The following ZNF592 variants were observed in gnomAD, a reference collection of about 807,000 sequenced individuals.
The protein encoded by ZNF592 is spinocerebellar ataxia, autosomal recessive 5.
ZNF592 carries 11 observed loss-of-function variants against 80.3 expected under a neutral mutation model. The observed-to-expected ratio is 0.14, with a 90% CI of 0.09 to 0.23. ZNF592 has a LOEUF of 0.23. Among genes scored for constraint, ZNF592 ranks in the 10% least tolerant of loss-of-function variants. The probability of loss-of-function intolerance (pLI) is 1.00; values close to 1 mark genes in which losing one functional copy is unlikely to be tolerated. For missense variants in ZNF592, 1,420 were observed against 1,633.9 expected, an observed-to-expected ratio of 0.87 and a Z score of 2.26; for synonymous variants, 646 against 640.3, an observed-to-expected ratio of 1.01 and a Z score of -0.13.
chr15:84,757,339 CTTTTT>C (rs34466288), intron 1 of ZNF592, among the ~76,000 whole-genome samples: 1 of 120,762 alleles, frequency 8.3e-6, no homozygotes. Flanking sequence ...TCTTTCTTTC[CTTTTT>C]TTTTTTTTTT....
intron 5 of ZNF592, among the ~76,000 whole-genome samples, chr15:84,795,051 A>G (rs1005305322): frequency 6.0e-5 from 9 of 150,878 alleles, no homozygotes; most frequent in African/African-American, 1.7e-4. Flanking sequence ...TTGATAATGT[A>G]AAAAGCCTAT....
Position 84,784,458 on chromosome 15 carries a change from G to T in ZNF592, c.1783G>T (p.Ala595Ser), listed in dbSNP as rs758076215. ...SGYCCLECGDAFALEKSLSQH... is the reference protein window; with the variant it reads ...SGYCCLECGDSFALEKSLSQH... ...GTACTGCTGCCTGGAGTGTGGAGAC[G>T]CATTTGCCTTAGAGAAGAGCCTGAG... Residue 595 changes from alanine (A) to serine (S), a missense_variant, in exon 4 of 11, where the codon GCA (alanine) becomes TCA (serine). This residue lies in a region of ZNF592 where 524 missense variants were observed against 628.3 expected (regional missense o/e 0.83). Transcript: ENST00000560079. This position sits in a 1 kb window ranked among gnomAD's most constrained non-coding sequence, Gnocchi z 5.8. 3.7e-6 allele frequency: 6 copies of T among 1,614,094 alleles called. No individual in the cohort carries two copies. The highest frequency in any genetic ancestry group is 5.1e-6 in the Non-Finnish European group (6 of 1,180,054).
rs1425538264 is a variant in ZNF592, at chr15:84,788,875, A to G, written c.2221-1830A>G. On this transcript the variant is annotated intron_variant, in intron 4 of 10. Coordinates refer to ENST00000560079, the MANE Select transcript of ZNF592 (RefSeq NM_014630.3). ...TTTGTGACTGGCTTTTCCATTTAGCATGTCCTCAAGATTCATTTATGTTGT... is the reference window on the plus strand; with the variant it reads ...TTTGTGACTGGCTTTTCCATTTAGCGTGTCCTCAAGATTCATTTATGTTGT... 2.0e-5 allele frequency among the ~76,000 whole-genome samples: 3 copies of G among 152,054 alleles called. No homozygotes were observed. The East Asian group carries it at 5.8e-4, about 29-fold the overall frequency.
In ZNF592 at chr15:84,798,917, T is replaced by G. The variant is rs957417049; in HGVS notation, c.3024+42T>G. 4 of 1,598,570 alleles carry G rather than the reference T, an allele frequency of 2.5e-6. No homozygotes were observed. The African/African-American group carries it at 5.3e-5, about 21-fold the overall frequency. On this transcript the variant is annotated intron_variant, in intron 8 of 10. Transcript: ENST00000560079. This position sits in a 1 kb window ranked among gnomAD's most constrained non-coding sequence, Gnocchi z 4.5. ...AGTCATAATGCAGAGCCCAGTCCTC[T>G]GGACTTCCTTCTGTGAAGCCAGAAC...
At position 84,755,102 on chromosome 15, in the gene ZNF592, C is replaced by T. The variant is rs183603057; in HGVS notation, c.-259+6438C>T. Among the ~76,000 whole-genome samples, 5 of 145,136 alleles carry T rather than the reference C, an allele frequency of 3.4e-5. No individual in the cohort carries two copies. The East Asian group carries it at 6.2e-4, about 18-fold the overall frequency. On this transcript the variant is annotated intron_variant, in intron 1 of 10. Coordinates refer to ENST00000560079, the MANE Select transcript of ZNF592 (RefSeq NM_014630.3). ...CCTCCGGAGTAGCTGGGACTACAGG[C>T]GTCCATCACCACACCCAGCTAATTT...
At chr15:84,800,049 G>A in intron 10 of ZNF592, 72 bp downstream of exon 10, 2 of 1,610,010 alleles carry the variant, frequency 1.2e-6, no homozygotes, top group South Asian at 1.1e-5. Flanking sequence ...CATTAGGAAG[G>A]CTACTGTTGT....
At chr15:84,782,310 C>T (rs1190669475) in intron 3 of ZNF592, among the ~76,000 whole-genome samples, 1 of 152,144 alleles carries the variant, frequency 6.6e-6, no homozygotes, top group Non-Finnish European at 1.5e-5. Flanking sequence ...TTTGCTAGTG[C>T]ACATGATCGT....
In ZNF592 at chr15:84,798,664, C is replaced by A; in HGVS notation, c.2813C>A (p.Pro938His). 6.2e-7 allele frequency: 1 copy of A among 1,613,904 alleles called. No homozygotes were observed. ...TCAGCGGACACATCCTCAAGCCGCC[C>A]TGGCTCTCGAGTTCCCACTGAGCCA... ...QSSADTSSSR[P>H]GSRVPTEPPA... The change falls in exon 8 of 11, where the codon CCT (proline) becomes CAT (histidine). Residue 938 changes from proline to histidine, a missense_variant. Around this residue, in one of 7 missense-constraint regions of ZNF592, gnomAD observed 331 missense variants for 347.0 expected, o/e 0.95. Transcript: ENST00000560079. This position sits in a 1 kb window ranked among gnomAD's most constrained non-coding sequence, Gnocchi z 4.5.
chr15:84,784,037 G>A lies in ZNF592; in HGVS notation c.1362G>A (p.Lys454=). 1 of 1,612,582 alleles carries A rather than the reference G, an allele frequency of 6.2e-7. No homozygotes were observed. The highest frequency in any genetic ancestry group is 1.3e-5 in the African/African-American group (1 of 75,006). ...GARKGDESMT[K]ASDSSSPSCS... ...GGAAAGGGGACGAGAGCATGACAAA[G>A]GCCAGTGACTCGTCATCTCCCAGCT... The change falls in exon 4 of 11, where the codon AAG becomes AAA. Residue 454 remains lysine, a synonymous_variant. Transcript: ENST00000560079. This position sits in a 1 kb window ranked among gnomAD's most constrained non-coding sequence, Gnocchi z 5.8.
At chr15:84,769,098 G>A (rs1258395261) in intron 2 of ZNF592, among the ~76,000 whole-genome samples, 8 of 152,048 alleles carry the variant, frequency 5.3e-5, no homozygotes, top group African/African-American at 1.9e-4. Context: ...CCACCACCAT[G>A]CCTGGCTAAT....
intron 2 of ZNF592, among the ~76,000 whole-genome samples, chr15:84,771,447 A>C (rs1899698209): frequency 6.6e-6 from 1 of 152,136 alleles, no homozygotes; most frequent in Admixed American, 6.5e-5. Flanking sequence ...GCAGAGAGGC[A>C]CGAGAAAGTG....
In ZNF592 at chr15:84,779,783, A is replaced by T. The variant is rs189227343; in HGVS notation, c.-20+1471A>T. Among the ~76,000 whole-genome samples, 21 of 152,232 alleles carry T rather than the reference A, an allele frequency of 1.4e-4. 1 individual carries two copies. The highest frequency in any genetic ancestry group is 1.4e-3 in the Admixed American group (21 of 15,286). ...CTCAGTCAATCCCTGAGATTTCTCT[A>T]TGAGGAGAGCTTTACTTCTGATCTA... On this transcript the variant is annotated intron_variant, in intron 3 of 10. Coordinates refer to ENST00000560079, the MANE Select transcript of ZNF592 (RefSeq NM_014630.3).
chr15:84,790,208 A>C (rs1452110538), intron 4 of ZNF592, among the ~76,000 whole-genome samples: 6 of 151,762 alleles, frequency 4.0e-5, no homozygotes, highest in Non-Finnish European at 8.8e-5. Context: ...TCTGAGTACC[A>C]ATCAGGGTGG....
intron 1 of ZNF592, among the ~76,000 whole-genome samples, chr15:84,760,005 A>C (rs951917567): frequency 6.9e-6 from 1 of 144,092 alleles, no homozygotes; most frequent in Non-Finnish European, 1.5e-5. Flanking sequence ...TTAGTTTAGA[A>C]AATTTGGGAA....
At chr15:84,779,687 A>G (rs1420204700) in intron 3 of ZNF592, among the ~76,000 whole-genome samples, 2 of 151,996 alleles carry the variant, frequency 1.3e-5, no homozygotes, top group East Asian at 1.9e-4. Flanking sequence ...TCTGCTGCTA[A>G]TATTGAGCTC....
chr15:84,768,230 CTTTTTTTTTTTTTT>C (rs995969490), intron 2 of ZNF592, among the ~76,000 whole-genome samples: 4 of 122,344 alleles, frequency 3.3e-5, no homozygotes, highest in Admixed American at 1.7e-4. Flanking sequence ...TTCTTTCTTT[CTTTTTTTTTTTTTT>C]TTTTTTGAGA....
rs774020429 is a variant in ZNF592 at position 84,784,537 on chromosome 15, C to T, written c.1862C>T (p.Ser621Phe). The change falls in exon 4 of 11, where the codon TCC becomes TTC. Residue 621 changes from serine to phenylalanine, a missense_variant. Physicochemically the swap from Ser to Phe is radical, Grantham distance 155 (BLOSUM62 -2). Transcript: ENST00000560079. This position sits in a 1 kb window ranked among gnomAD's most constrained non-coding sequence, Gnocchi z 5.8. The part of the protein sequence containing the change: ...VHIEVLCTLC[S>F]KTLLFFNKCS... Reference sequence around the variant, plus strand: ...ATTGAGGTACTGTGCACACTGTGCTCCAAGACGCTGCTCTTCTTCAACAAG... The same window carrying T: ...ATTGAGGTACTGTGCACACTGTGCTTCAAGACGCTGCTCTTCTTCAACAAG... The T allele has an allele frequency of 1.2e-6, 2 of 1,614,188 alleles. No homozygotes were observed. The highest frequency in any genetic ancestry group is 1.7e-6 in the Non-Finnish European group (2 of 1,180,048).
chr15:84,783,753 G>C lies in ZNF592; in HGVS notation c.1078G>C (p.Gly360Arg). The C allele has an allele frequency of 6.2e-7, 1 of 1,614,192 alleles. No homozygotes were observed. Among genetic ancestry groups the C allele is most frequent in the Non-Finnish European group, 8.5e-7 (1 of 1,180,038 alleles). ...RSICSDSSSK[G>R]SPSVAASSPP... ...CATCTGCAGTGACAGCAGCAGCAAAGGCTCACCGTCTGTGGCTGCCAGCTC... is the reference window on the plus strand; with the variant it reads ...CATCTGCAGTGACAGCAGCAGCAAACGCTCACCGTCTGTGGCTGCCAGCTC... Residue 360 changes from glycine (G) to arginine (R), a missense_variant, in exon 4 of 11, where the codon GGC becomes CGC. Transcript: ENST00000560079. This position sits in a 1 kb window ranked among gnomAD's most constrained non-coding sequence, Gnocchi z 5.0.
chr15:84,798,274 G>A lies in ZNF592; in HGVS notation c.2577-41G>A. The stretch of plus-strand genomic sequence containing the variant: ...GCAGAGATGGGTGGAGGGGCTGCAT[G>A]GTGCCTTGGCCACCTCACCCCCTAG... On this transcript the variant is annotated intron_variant, in intron 6 of 10. Transcript: ENST00000560079. The surrounding 1 kb of genome is among the most constrained non-coding windows in gnomAD (Gnocchi z 4.5). 6.2e-7 allele frequency: 1 copy of A among 1,613,366 alleles called. No individual in the cohort carries two copies. The highest frequency in any genetic ancestry group is 8.5e-7 in the Non-Finnish European group (1 of 1,179,780).
Sources: gnomAD v4.1 joint callset for allele counts (sites outside exome capture counted in the v4.1 genomes callset) on GRCh38, gnomAD v4.1.1 for gene constraint, gnomAD v4.1.1 regional missense constraint, Gnocchi (gnomAD v3.1) non-coding constraint, MANE v1.5 for transcripts, NCBI Gene and HGNC (gene_info 2026-07-23, HGNC 2026-07-21) for gene names.